The following LMO2 variants were observed in gnomAD, a reference collection of about 807,000 sequenced individuals.
LMO2 encodes rhombotin-2.
In LMO2, 20 loss-of-function variants were observed where a neutral mutation model predicts 23.2. That is an observed-to-expected ratio of 0.86 (90% CI 0.61 to 1.25). The LOEUF (loss-of-function observed/expected upper bound fraction) is 1.25. Ranked by LOEUF, LMO2 falls within the 50% of genes most tolerant of loss-of-function variation. The pLI is 0.00. For synonymous variants in LMO2, 123 were observed against 130.2 expected (o/e 0.94, Z 0.38); for missense variants, 270 against 315.3 (o/e 0.86, Z 1.09).
chr11:33,880,242 ATATACACATGATATATATAT>A lies in LMO2; in HGVS notation c.-272+1562_-272+1581del. 6.8e-6 allele frequency among the ~76,000 whole-genome samples: 1 copy of A among 147,674 alleles called. No individual in the cohort carries two copies. Among genetic ancestry groups the A allele is most frequent in the African/African-American group, 2.5e-5 (1 of 39,904 alleles). On this transcript the variant is annotated intron_variant, in intron 2 of 5. Transcript: ENST00000257818. This position sits in a 1 kb window ranked among gnomAD's most constrained non-coding sequence, Gnocchi z 4.3. ...TATATACACATGATATATATATCAT[ATATACACATGATATATATAT>A]CATACATACACATGATATATATCAT...
intron 2 of LMO2, among the ~76,000 whole-genome samples, chr11:33,871,985 C>T (rs965804979): frequency 6.6e-6 from 1 of 152,046 alleles, no homozygotes; most frequent in Non-Finnish European, 1.5e-5. Flanking sequence ...GTATCCTGGC[C>T]GGGCTCGGTG....
intron 1 of LMO2, among the ~76,000 whole-genome samples, 177 bp from the exon 2 acceptor site, chr11:33,882,064 G>A (rs1021928320): frequency 3.3e-5 from 5 of 152,180 alleles, no homozygotes; most frequent in African/African-American, 1.2e-4. Context: ...ATAGCGTGAC[G>A]GGTGGGGCAG....
intron 4 of LMO2, among the ~76,000 whole-genome samples, chr11:33,867,708 C>T (rs1182667331): frequency 1.3e-5 from 2 of 152,198 alleles, no homozygotes; most frequent in African/African-American, 4.8e-5. Flanking sequence ...GAGCCTCCAG[C>T]AGTAGATATC....
At chr11:33,885,120 A>C (rs1448613117) in intron 1 of LMO2, among the ~76,000 whole-genome samples, 2 of 152,152 alleles carry the variant, frequency 1.3e-5, no homozygotes. Context: ...AAAAATGTGA[A>C]GGGGGTTGTC....
Position 33,859,105 on chromosome 11 carries a change from G to A in LMO2, c.*251C>T, listed in dbSNP as rs1401999474. On this transcript the variant is annotated 3_prime_UTR_variant, in exon 6 of 6. Transcript: ENST00000257818. Reference sequence around the variant, plus strand: ...AATGTTCCTTTCTTCTGCTAATCATGTCAGTTACTATGGATGGGCTGTGGC... The same window carrying A: ...AATGTTCCTTTCTTCTGCTAATCATATCAGTTACTATGGATGGGCTGTGGC... The A allele has an allele frequency of 6.3e-6, 3 of 479,758 alleles. No homozygotes were observed. Among genetic ancestry groups the A allele is most frequent in the Non-Finnish European group, 1.1e-5 (3 of 262,804 alleles). The allele number at this position is 479,758 out of a possible 1,614,324, so 29.7% of individuals were successfully genotyped here. A position where few individuals can be genotyped will look rare whatever the true frequency, so the allele number is the denominator to read the frequency against.
chr11:33,869,206 C>T (rs1856904275), intron 4 of LMO2, 140 bp downstream of exon 4: 1 of 483,370 alleles, frequency 2.1e-6, no homozygotes, highest in Non-Finnish European at 2.9e-6. Context: ...AGGAGGAGCC[C>T]AGCGCTCGGC....
chr11:33,880,755 C>A lies in LMO2; in HGVS notation c.-272+1069G>T. ...CTAGGTGTAGCTCTGTTCCTACATG[C>A]AAAATTTTACATATTGTTCCAGGGA... On this transcript the variant is annotated intron_variant, in intron 2 of 5. Coordinates refer to ENST00000257818, the MANE Select transcript of LMO2 (RefSeq NM_005574.4). The surrounding 1 kb of genome is among the most constrained non-coding windows in gnomAD (Gnocchi z 4.3). The A allele has an allele frequency of 5.8e-6, 1 of 173,876 alleles. No individual in the cohort carries two copies. Among genetic ancestry groups the A allele is most frequent in the South Asian group, 1.3e-4 (1 of 7,826 alleles). The allele number at this position is 173,876 out of a possible 1,614,324, so 10.8% of individuals were successfully genotyped here. A position where few individuals can be genotyped will look rare whatever the true frequency, so the allele number is the denominator to read the frequency against.
chr11:33,869,645 C>A (rs1364390620), intron 3 of LMO2, 59 bp from the exon 4 acceptor site: 10 of 1,254,020 alleles, frequency 8.0e-6, no homozygotes, highest in South Asian at 2.4e-5. Context: ...GCGGCCGAGG[C>A]GGGGGCCGGG....
At chr11:33,889,694 T>C (rs979229225) in intron 1 of LMO2, among the ~76,000 whole-genome samples, 1 of 152,228 alleles carries the variant, frequency 6.6e-6, no homozygotes, top group Non-Finnish European at 1.5e-5. Flanking sequence ...TCTTATACGC[T>C]GTTGGTGGGA....
At chr11:33,881,364 C>A (rs1335915607) in intron 2 of LMO2, 1 of 456,690 alleles carries the variant, frequency 2.2e-6, no homozygotes, top group Non-Finnish European at 4.4e-6. Flanking sequence ...GCAACTTTTG[C>A]AAAATGAACC....
At chr11:33,869,667 G>A (rs2133699051) in intron 3 of LMO2, 43 bp downstream of exon 3, 2 of 1,258,298 alleles carry the variant, frequency 1.6e-6, no homozygotes, top group East Asian at 3.6e-5. Flanking sequence ...CGCGCAGCCT[G>A]GCTCCAGGCG....
intron 5 of LMO2, among the ~76,000 whole-genome samples, chr11:33,860,168 C>G (rs1856517771): frequency 6.6e-6 from 1 of 152,152 alleles, no homozygotes. Flanking sequence ...GGGAGTTCCA[C>G]AGAAAACACG....
intron 2 of LMO2, among the ~76,000 whole-genome samples, chr11:33,873,981 T>C (rs11032433): frequency 0.17 from 26,370 of 152,230 alleles, 2,709 homozygotes; most frequent in South Asian, 0.35. Context: ...CCTCTCTTTT[T>C]TTTTCAACCA....
chr11:33,869,308 G>A (rs879352977), intron 4 of LMO2, 38 bp downstream of exon 4: 3 of 1,146,368 alleles, frequency 2.6e-6, no homozygotes, highest in Non-Finnish European at 2.2e-6. Context: ...CGAGGCCGTG[G>A]ACACCGGGGG....
intron 2 of LMO2, among the ~76,000 whole-genome samples, chr11:33,875,683 G>A (rs201393673): frequency 6.6e-6 from 1 of 151,586 alleles, no homozygotes; most frequent in East Asian, 1.9e-4. Context: ...TTCCACCTCA[G>A]GCCATTGTCA....
chr11:33,879,485 G>A (rs962776663), intron 2 of LMO2, among the ~76,000 whole-genome samples: 1 of 151,458 alleles, frequency 6.6e-6, no homozygotes, highest in African/African-American at 2.4e-5. Context: ...AAAAATAGCC[G>A]GGCGTGATGG....
At chr11:33,889,256 T>G (rs1857486807) in intron 1 of LMO2, among the ~76,000 whole-genome samples, 1 of 152,062 alleles carries the variant, frequency 6.6e-6, no homozygotes, top group African/African-American at 2.4e-5. Context: ...CAAGACACCG[T>G]CCCTACCCTT....
At chr11:33,870,250 T>C in intron 2 of LMO2, 1 of 651,866 alleles carries the variant, frequency 1.5e-6, no homozygotes, top group Non-Finnish European at 1.9e-6. Flanking sequence ...GCTTCCCCTC[T>C]TCCGCCTTTC....
intron 5 of LMO2, among the ~76,000 whole-genome samples, chr11:33,863,973 G>A (rs1565023426): frequency 6.6e-6 from 1 of 152,094 alleles, no homozygotes; most frequent in Non-Finnish European, 1.5e-5. Flanking sequence ...TAAGGAAATC[G>A]AGGCTTAGGA....
Sources: gnomAD v4.1 joint callset for allele counts (sites outside exome capture counted in the v4.1 genomes callset) on GRCh38, gnomAD v4.1.1 for gene constraint, Gnocchi (gnomAD v3.1) non-coding constraint, MANE v1.5 for transcripts, NCBI Gene and HGNC (gene_info 2026-07-23, HGNC 2026-07-21) for gene names.